ITGBL1: variants seen among roughly 807,000 people sequenced by gnomAD.
The protein encoded by ITGBL1 is integrin subunit beta like 1, also known as integrin beta-like protein 1.
A neutral mutation model predicts 68.5 loss-of-function variants in ITGBL1; 51 were observed. The observed-to-expected ratio is 0.74, with a 90% CI of 0.59 to 0.94. The LOEUF is 0.94. Ranked by LOEUF, ITGBL1 falls within the 40% of genes least tolerant of loss-of-function variation. The pLI, the probability that ITGBL1 is intolerant of heterozygous loss-of-function variation, is 0.00. For missense variants in ITGBL1, 649 were observed against 647.4 expected, an observed-to-expected ratio of 1.00 and a Z score of -0.03; for synonymous variants, 209 against 227.3, an observed-to-expected ratio of 0.92 and a Z score of 0.72.
At chr13:101,474,029 T>C (rs1036246896) in intron 2 of ITGBL1, among the ~76,000 whole-genome samples, 1 of 152,108 alleles carries the variant, frequency 6.6e-6, no homozygotes, top group South Asian at 2.1e-4. Flanking sequence ...GTGTTGGCCA[T>C]GGAGAGAGAT....
intron 7 of ITGBL1, among the ~76,000 whole-genome samples, chr13:101,645,519 A>G (rs905530668): frequency 2.1e-4 from 32 of 152,170 alleles, no homozygotes; most frequent in Admixed American, 2.6e-4. Context: ...TGTCTCTAAG[A>G]AACAAGGGGG....
At chr13:101,645,496 G>GAA (rs35239493) in intron 7 of ITGBL1, among the ~76,000 whole-genome samples, 16 of 150,174 alleles carry the variant, frequency 1.1e-4, no homozygotes, top group African/African-American at 2.7e-4. Flanking sequence ...TTATAAACCT[G>GAA]AAAAAAAAAA....
At chr13:101,576,415 C>T (rs577290953) in intron 4 of ITGBL1, among the ~76,000 whole-genome samples, 58 of 152,284 alleles carry the variant, frequency 3.8e-4, no homozygotes, top group African/African-American at 1.3e-3. Flanking sequence ...TTCCCATTTG[C>T]AACCTTGACT....
intron 8 of ITGBL1, among the ~76,000 whole-genome samples, chr13:101,695,885 A>G (rs2033989857): frequency 6.6e-6 from 1 of 152,208 alleles, no homozygotes; most frequent in African/African-American, 2.4e-5. Flanking sequence ...GAGATGATGA[A>G]TTGAACTATA....
chr13:101,600,200 T>C (rs1193436640), intron 7 of ITGBL1, among the ~76,000 whole-genome samples: 4 of 151,816 alleles, frequency 2.6e-5, no homozygotes, highest in East Asian at 1.9e-4. Context: ...TTTGAAGCAA[T>C]TGTGAATGGG....
chr13:101,678,275 CAA>C (rs1199945967), intron 7 of ITGBL1, among the ~76,000 whole-genome samples: 1 of 152,054 alleles, frequency 6.6e-6, no homozygotes, highest in Non-Finnish European at 1.5e-5. Context: ...GAGTCAAAAA[CAA>C]AGACTAATAA....
intron 7 of ITGBL1, among the ~76,000 whole-genome samples, chr13:101,601,120 T>C (rs2030347388): frequency 1.3e-5 from 2 of 152,212 alleles, no homozygotes; most frequent in Non-Finnish European, 2.9e-5. Flanking sequence ...GAGCCTGTTA[T>C]TGGTCTATTC....
At chr13:101,560,452 A>C (rs1263473185) in intron 2 of ITGBL1, among the ~76,000 whole-genome samples, 5 of 152,172 alleles carry the variant, frequency 3.3e-5, no homozygotes, top group Admixed American at 2.6e-4. Context: ...AGAGAGAATA[A>C]ATTTTTAATA....
chr13:101,555,882 C>T (rs949524034), intron 2 of ITGBL1, among the ~76,000 whole-genome samples: 1 of 152,086 alleles, frequency 6.6e-6, no homozygotes, highest in East Asian at 1.9e-4. Flanking sequence ...TTTTTGTGTG[C>T]TATATGAGAG....
At position 101,553,753 on chromosome 13, in the gene ITGBL1, C is replaced by T. The variant is rs145131222; in HGVS notation, c.317-13946C>T. On this transcript the variant is annotated intron_variant, in intron 2 of 10. Coordinates refer to ENST00000376180, the MANE Select transcript of ITGBL1 (RefSeq NM_004791.3). Reference sequence around the variant, plus strand: ...TGCCTTCATCTTCACAAGGCATTCTCGGTGTGCCTGCCGCTGTGTCCATAT... The same window carrying T: ...TGCCTTCATCTTCACAAGGCATTCTTGGTGTGCCTGCCGCTGTGTCCATAT... Among the ~76,000 whole-genome samples the T allele has an allele frequency of 3.7e-3, 560 of 152,082 alleles. 4 individuals carry two copies. Among genetic ancestry groups the T allele is most frequent in the African/African-American group, 0.012 (497 of 41,492 alleles).
chr13:101,496,008 T>G (rs2048852738), intron 2 of ITGBL1, among the ~76,000 whole-genome samples: 1 of 152,198 alleles, frequency 6.6e-6, no homozygotes, highest in Non-Finnish European at 1.5e-5. Context: ...TATTCTTTAA[T>G]TTTCCCACCA....
intron 6 of ITGBL1, among the ~76,000 whole-genome samples, chr13:101,593,084 T>C (rs924989919): frequency 1.3e-5 from 2 of 151,894 alleles, no homozygotes; most frequent in African/African-American, 4.8e-5. Context: ...CAAGTAAAAA[T>C]AGGCAAAATA....
At chr13:101,646,320 A>G (rs1039982922) in intron 7 of ITGBL1, among the ~76,000 whole-genome samples, 1 of 152,156 alleles carries the variant, frequency 6.6e-6, no homozygotes, top group Non-Finnish European at 1.5e-5. Context: ...TTCAGTTAAA[A>G]AAAAATCATT....
At chr13:101,461,858 A>G (rs958922092) in intron 2 of ITGBL1, among the ~76,000 whole-genome samples, 3 of 152,142 alleles carry the variant, frequency 2.0e-5, no homozygotes, top group Non-Finnish European at 2.9e-5. Flanking sequence ...ATTACCACAA[A>G]CCTTGAGGCT....
chr13:101,675,807 G>A (rs1275915313), intron 7 of ITGBL1, among the ~76,000 whole-genome samples: 1 of 152,108 alleles, frequency 6.6e-6, no homozygotes, highest in African/African-American at 2.4e-5. Flanking sequence ...AGATGCATGA[G>A]ATACAATTTC....
At chr13:101,453,835 C>T (rs1481649159) in intron 1 of ITGBL1, 48 bp from the exon 2 acceptor site, 3 of 1,178,910 alleles carry the variant, frequency 2.5e-6, no homozygotes, top group Admixed American at 4.3e-5. Flanking sequence ...GAGCAGGGGG[C>T]GGCGTCCGCG....
intron 7 of ITGBL1, among the ~76,000 whole-genome samples, chr13:101,681,393 T>A (rs2033636886): frequency 6.6e-6 from 1 of 152,214 alleles, no homozygotes; most frequent in Non-Finnish European, 1.5e-5. Context: ...CTGTGGCTTC[T>A]GAGTTTACAG....
At chr13:101,483,213 C>G (rs1009890106) in intron 2 of ITGBL1, among the ~76,000 whole-genome samples, 1 of 152,140 alleles carries the variant, frequency 6.6e-6, no homozygotes, top group African/African-American at 2.4e-5. Flanking sequence ...CTGGAATCCT[C>G]TTGATGTTCC....
At chr13:101,551,913 T>G (rs985612215) in intron 2 of ITGBL1, among the ~76,000 whole-genome samples, 4 of 151,838 alleles carry the variant, frequency 2.6e-5, no homozygotes, top group Non-Finnish European at 5.9e-5. Flanking sequence ...GAATGTGGGG[T>G]GATATAGCCC....
Sources: allele counts gnomAD v4.1 joint callset (sites outside exome capture counted in the v4.1 genomes callset), GRCh38; gene constraint gnomAD v4.1.1; transcripts MANE v1.5; gene names NCBI Gene and HGNC (gene_info 2026-07-23, HGNC 2026-07-21).